DYNC2H1: variants seen among roughly 807,000 people sequenced by gnomAD.
The protein encoded by DYNC2H1 is dynein cytoplasmic 2 heavy chain 1.
A neutral mutation model predicts 570.0 loss-of-function variants in DYNC2H1; 410 were observed. The ratio of observed to expected loss-of-function variants is 0.72; its 90% CI spans 0.66 to 0.78. DYNC2H1 has a LOEUF of 0.78. DYNC2H1 is among the 30% of genes least tolerant of loss of function. The pLI, the probability that DYNC2H1 is intolerant of heterozygous loss-of-function variation, is 0.00. For synonymous variants in DYNC2H1, 1,688 were observed against 1,677.6 expected (o/e 1.01, Z -0.15); for missense variants, 4,865 against 5,046.4 (o/e 0.96, Z 1.09).
chr11:103,372,716 G>A (rs903565962), intron 83 of DYNC2H1, among the ~76,000 whole-genome samples: 1 of 152,084 alleles, frequency 6.6e-6, no homozygotes, highest in Admixed American at 6.6e-5. Flanking sequence ...TCTTTGCTGT[G>A]TCCTTCTCTG....
At chr11:103,452,625 A>AATTTACTGATAAGTTACCTAG (rs1944649325) in intron 85 of DYNC2H1, among the ~76,000 whole-genome samples, 1 of 86,554 alleles carries the variant, frequency 1.2e-5, no homozygotes, top group Non-Finnish European at 2.6e-5. Context: ...CTTGTATTAC[A>AATTTACTGATAAGTTACCTAG]ATTTACTGAT....
In DYNC2H1 at chr11:103,141,533, C is replaced by G. The variant is rs759677058; in HGVS notation, c.2575-1735C>G. On this transcript the variant is annotated intron_variant, in intron 17 of 88. Coordinates refer to ENST00000375735, the MANE Select transcript of DYNC2H1 (RefSeq NM_001377.3). ...CAGAACAGCAGATTTTCGTGAACCA[C>G]GAATGCTGCTGTCTGATCCTTCCTC... 2.6e-5 allele frequency among the ~76,000 whole-genome samples: 4 copies of G among 152,194 alleles called. No homozygotes were observed. In the South Asian group the frequency reaches 8.3e-4, roughly 32 times the overall value.
intron 31 of DYNC2H1, 71 bp from the exon 32 acceptor site, chr11:103,168,684 A>G: frequency 6.9e-7 from 1 of 1,452,858 alleles, no homozygotes. Context: ...TCACCTGTAC[A>G]CGTAATCATA....
intron 87 of DYNC2H1, among the ~76,000 whole-genome samples, chr11:103,458,036 T>C (rs1256905569): frequency 1.3e-5 from 2 of 152,218 alleles, no homozygotes; most frequent in African/African-American, 2.4e-5. Flanking sequence ...AGCCTAAGTG[T>C]ACAGTGTTTA....
At position 103,133,627 on chromosome 11, in the gene DYNC2H1, CA is replaced by C; in HGVS notation, c.2031del (p.Lys677AsnfsTer16). 2 of 1,612,820 alleles carry C rather than the reference CA, an allele frequency of 1.2e-6. No homozygotes were observed. Among genetic ancestry groups the C allele is most frequent in the South Asian group, 1.1e-5 (1 of 90,736 alleles). On this transcript the variant is annotated frameshift_variant, in exon 14 of 89. Coordinates refer to ENST00000375735, the MANE Select transcript of DYNC2H1 (RefSeq NM_001377.3). LOFTEE classifies it high-confidence loss of function. The surrounding 1 kb of genome is among the most constrained non-coding windows in gnomAD (Gnocchi z 4.8). ...DNPKELEGYI[Q>X]KLQNAAERLA... ...TCCTAAAGAATTAGAAGGCTATATCCAAAAACTCCAAAATGCTGCTGAACGG... is the reference window on the plus strand; with the variant it reads ...TCCTAAAGAATTAGAAGGCTATATCCAAAACTCCAAAATGCTGCTGAACGG...
At chr11:103,470,962 C>G (rs1397252612) in intron 88 of DYNC2H1, among the ~76,000 whole-genome samples, 2 of 152,074 alleles carry the variant, frequency 1.3e-5, no homozygotes, top group Non-Finnish European at 2.9e-5. Context: ...AATGGTATTT[C>G]TAGTTCTAGA....
intron 83 of DYNC2H1, among the ~76,000 whole-genome samples, chr11:103,391,054 A>G (rs1942124709): frequency 6.6e-6 from 1 of 152,052 alleles, no homozygotes. Context: ...GTCTTGCTAG[A>G]TTGGGGAAAT....
intron 81 of DYNC2H1, among the ~76,000 whole-genome samples, chr11:103,321,746 G>A (rs892942772): frequency 3.9e-5 from 6 of 151,924 alleles, no homozygotes; most frequent in African/African-American, 9.7e-5. Context: ...GCCTTGAGCC[G>A]TCACATGAAA....
chr11:103,318,539 A>G (rs1259285803), intron 80 of DYNC2H1, among the ~76,000 whole-genome samples: 1 of 152,098 alleles, frequency 6.6e-6, no homozygotes, highest in Non-Finnish European at 1.5e-5. Flanking sequence ...ATTTCTGTTG[A>G]TGGACATGCT....
chr11:103,224,732 A>T (rs1863737988), intron 59 of DYNC2H1, among the ~76,000 whole-genome samples: 1 of 152,158 alleles, frequency 6.6e-6, no homozygotes, highest in African/African-American at 2.4e-5. Context: ...TGTCTTTTCC[A>T]TATAATGCCT....
At chr11:103,387,308 A>G (rs555913289) in intron 83 of DYNC2H1, among the ~76,000 whole-genome samples, 1 of 152,324 alleles carries the variant, frequency 6.6e-6, no homozygotes, top group Admixed American at 6.5e-5. Flanking sequence ...TCTTTTGAGA[A>G]GTGTCTGTTC....
At position 103,282,161 on chromosome 11, in the gene DYNC2H1, T is replaced by C; in HGVS notation, c.10762-18T>C. 5 of 1,602,614 alleles carry C rather than the reference T, an allele frequency of 3.1e-6. No individual in the cohort carries two copies. Among genetic ancestry groups the C allele is most frequent in the Non-Finnish European group, 3.4e-6 (4 of 1,174,854 alleles). ...TATCATTTTTATATTTTTGTGTTCCTATATTTTTATTCAATAGGAATGGGA... is the reference window on the plus strand; with the variant it reads ...TATCATTTTTATATTTTTGTGTTCCCATATTTTTATTCAATAGGAATGGGA... On this transcript the variant is annotated intron_variant, in intron 71 of 88. Coordinates refer to ENST00000375735, the MANE Select transcript of DYNC2H1 (RefSeq NM_001377.3).
At chr11:103,237,427 C>A (rs988297282) in intron 63 of DYNC2H1, among the ~76,000 whole-genome samples, 1 of 151,894 alleles carries the variant, frequency 6.6e-6, no homozygotes, top group African/African-American at 2.4e-5. Flanking sequence ...TTTATTAGAC[C>A]TATTAATCAG....
chr11:103,151,907 G>A lies in DYNC2H1; in HGVS notation c.2947-229G>A, dbSNP rs1292701801. On this transcript the variant is annotated intron_variant, in intron 20 of 88. Coordinates refer to ENST00000375735, the MANE Select transcript of DYNC2H1 (RefSeq NM_001377.3). This position sits in a 1 kb window ranked among gnomAD's most constrained non-coding sequence, Gnocchi z 4.6. ...TTATCTTTTTTAACCTCTGATGTTA[G>A]AGTGCCTTAGTTGAATTTGTGTATA... is the stretch of plus-strand genomic sequence containing the variant. 6.6e-6 allele frequency among the ~76,000 whole-genome samples: 1 copy of A among 151,994 alleles called. No homozygotes were observed. The highest frequency in any genetic ancestry group is 2.4e-5 in the African/African-American group (1 of 41,398).
intron 75 of DYNC2H1, among the ~76,000 whole-genome samples, chr11:103,300,829 T>C (rs1591544267): frequency 6.6e-6 from 1 of 151,996 alleles, no homozygotes; most frequent in Admixed American, 6.6e-5. Flanking sequence ...GGTATGGTAA[T>C]CTGCATTTTA....
At position 103,324,064 on chromosome 11, in the gene DYNC2H1, T is replaced by A; in HGVS notation, c.12039+74T>A. 1.0e-6 allele frequency: 1 copy of A among 965,660 alleles called. No homozygotes were observed. The highest frequency in any genetic ancestry group is 1.5e-6 in the Non-Finnish European group (1 of 680,218). 59.8% of individuals were successfully genotyped at this position (965,660 alleles called of 1,614,324 possible). A position where few individuals can be genotyped will look rare whatever the true frequency, so the allele number is the denominator to read the frequency against. ...GAAGGAGACAAAATTAAACTTGATT[T>A]AGTACTGTAGACCCCACAAGCTTTA... On this transcript the variant is annotated intron_variant, in intron 82 of 88. Coordinates refer to ENST00000375735, the MANE Select transcript of DYNC2H1 (RefSeq NM_001377.3). This position sits in a 1 kb window ranked among gnomAD's most constrained non-coding sequence, Gnocchi z 5.2.
rs1024788827 is a variant in DYNC2H1 at position 103,289,343 on chromosome 11, A to G, written c.11095+1738A>G. Among the ~76,000 whole-genome samples the G allele has an allele frequency of 6.6e-6, 1 of 152,156 alleles. No homozygotes were observed. Among genetic ancestry groups the G allele is most frequent in the Non-Finnish European group, 1.5e-5 (1 of 68,028 alleles). On this transcript the variant is annotated intron_variant, in intron 75 of 88. Transcript: ENST00000375735. The surrounding 1 kb of genome is among the most constrained non-coding windows in gnomAD (Gnocchi z 4.2). ...AGGTGAACCCATTGGGCACTAAAAAACCATAAGCTAAATTCCTTCCCAAGG... is the reference window on the plus strand; with the variant it reads ...AGGTGAACCCATTGGGCACTAAAAAGCCATAAGCTAAATTCCTTCCCAAGG...
chr11:103,118,351 CTT>C (rs1286259497), intron 6 of DYNC2H1, among the ~76,000 whole-genome samples: 1 of 150,096 alleles, frequency 6.7e-6, no homozygotes, highest in African/African-American at 2.5e-5. Context: ...TTATTAGAGA[CTT>C]TTTTAAAAAA....
intron 22 of DYNC2H1, 115 bp downstream of exon 22, chr11:103,153,623 T>C: frequency 1.1e-6 from 1 of 929,862 alleles, no homozygotes; most frequent in Non-Finnish European, 1.6e-6. Flanking sequence ...ACTTCATCAC[T>C]TTTTAAACTA....
Sources: allele counts gnomAD v4.1 joint callset (sites outside exome capture counted in the v4.1 genomes callset), GRCh38; gene constraint gnomAD v4.1.1; non-coding constraint Gnocchi (gnomAD v3.1); transcripts MANE v1.5; gene names NCBI Gene and HGNC (gene_info 2026-07-23, HGNC 2026-07-21).